Variants in TRAK1 observed in about 807,000 individuals in gnomAD.
TRAK1 encodes the protein trafficking kinesin protein 1.
TRAK1 carries 33 observed loss-of-function variants against 92.1 expected under a neutral mutation model. That is an observed-to-expected ratio of 0.36 (90% CI 0.27 to 0.48). The LOEUF (loss-of-function observed/expected upper bound fraction) is 0.48, where lower values mean the gene tolerates loss of function less well. Ranked by LOEUF, TRAK1 falls within the 20% of genes least tolerant of loss-of-function variation. The probability of loss-of-function intolerance (pLI) is 0.99; values close to 1 mark genes in which losing one functional copy is unlikely to be tolerated. For missense variants in TRAK1, 1,123 were observed against 1,257.9 expected, an observed-to-expected ratio of 0.89 and a Z score of 1.62; for synonymous variants, 521 against 517.3, an observed-to-expected ratio of 1.01 and a Z score of -0.10.
chr3:42,032,056 CCTT>C lies in TRAK1; in HGVS notation c.-519+17941_-519+17943del, dbSNP rs372375331. Among the ~76,000 whole-genome samples the C allele has an allele frequency of 8.5e-5, 13 of 152,270 alleles. No homozygotes were observed. The South Asian group carries it at 2.7e-3, about 32-fold the overall frequency. On this transcript the variant is annotated intron_variant, in intron 1 of 16. Transcript: ENST00000487159. ...TTCTGAAAAGTGAGGGGAATCAGCT[CCTT>C]CACCCGCAGGCCTGGAGAGACTGAG...
Position 42,211,710 on chromosome 3 carries a change from A to T in TRAK1, c.1963+1725A>T, listed in dbSNP as rs145204356. The T allele has an allele frequency of 1.5e-3, 1,505 of 985,460 alleles. 16 individuals are homozygous for T. In the African/African-American group the frequency reaches 0.024, roughly 16 times the overall value. 61.0% of individuals were successfully genotyped at this position (985,460 alleles called of 1,614,324 possible). The stretch of plus-strand genomic sequence containing the variant: ...AGCTTATCAAGTCAACAAAGAACTT[A>T]CCTTGGAGGATAGAGAGAGAGAAGG... On this transcript the variant is annotated intron_variant, in intron 14 of 15. Coordinates refer to ENST00000327628, the MANE Select transcript of TRAK1 (RefSeq NM_001042646.3).
chr3:42,071,498 A>G (rs1437539490), intron 1 of TRAK1, among the ~76,000 whole-genome samples: 1 of 152,058 alleles, frequency 6.6e-6, no homozygotes, highest in Admixed American at 6.6e-5. Context: ...ACCCAAGAGC[A>G]AGAGTTTGAG....
At chr3:42,183,013 C>T (rs554893482) in intron 3 of TRAK1, among the ~76,000 whole-genome samples, 1 of 152,308 alleles carries the variant, frequency 6.6e-6, no homozygotes, top group South Asian at 2.1e-4. Context: ...TAGGATAGTT[C>T]ACCTGGAGCA....
At position 42,143,194 on chromosome 3, in the gene TRAK1, T is replaced by C. The variant is rs531638833; in HGVS notation, c.286+17580T>C. Among the ~76,000 whole-genome samples the C allele has an allele frequency of 5.9e-5, 9 of 152,286 alleles. 1 individual carries two copies. The South Asian group carries it at 1.9e-3, about 32-fold the overall frequency. On this transcript the variant is annotated intron_variant, in intron 2 of 15. Transcript: ENST00000327628. Reference sequence around the variant, plus strand: ...ATGAAGTTACATAGATATTTTCAGTTTAACTCTCACTTTCCTGATCATTTA... The same window carrying C: ...ATGAAGTTACATAGATATTTTCAGTCTAACTCTCACTTTCCTGATCATTTA...
At chr3:42,050,493 T>C (rs1702936014) in intron 1 of TRAK1, among the ~76,000 whole-genome samples, 1 of 152,138 alleles carries the variant, frequency 6.6e-6, no homozygotes, top group African/African-American at 2.4e-5. Flanking sequence ...TGAACCCCCT[T>C]AGAGTTCATC....
intron 2 of TRAK1, among the ~76,000 whole-genome samples, chr3:42,171,756 A>G (rs1440648286): frequency 7.2e-5 from 11 of 152,016 alleles, no homozygotes; most frequent in Non-Finnish European, 1.3e-4. Context: ...CACTGGCCAG[A>G]TCTCCTTGGC....
intron 1 of TRAK1, among the ~76,000 whole-genome samples, chr3:42,096,056 A>C (rs1396187127): frequency 6.6e-6 from 1 of 152,162 alleles, no homozygotes; most frequent in Non-Finnish European, 1.5e-5. Flanking sequence ...GGAGAAATAA[A>C]TGTTTGTTGT....
intron 1 of TRAK1, among the ~76,000 whole-genome samples, chr3:42,074,036 G>A (rs1333656977): frequency 4.6e-5 from 7 of 152,192 alleles, no homozygotes; most frequent in East Asian, 1.9e-4. Flanking sequence ...GTGGACAGAT[G>A]TAGGAGAATG....
At chr3:42,037,231 T>C (rs572169643) in intron 1 of TRAK1, among the ~76,000 whole-genome samples, 12 of 152,240 alleles carry the variant, frequency 7.9e-5, no homozygotes, top group Middle Eastern at 3.2e-3. Context: ...AGTTTTAGGA[T>C]TCAAGTAACT....
chr3:42,185,099 G>A lies in TRAK1; in HGVS notation c.480+298G>A, dbSNP rs1302700908. ...TACATCTGTGTGCCATGTTGGGCCA[G>A]CCACAGTCCTTGTCCTCAGAGAGTC... On this transcript the variant is annotated intron_variant, in intron 4 of 15. Coordinates refer to ENST00000327628, the MANE Select transcript of TRAK1 (RefSeq NM_001042646.3). 2.0e-5 allele frequency among the ~76,000 whole-genome samples: 3 copies of A among 152,302 alleles called. No individual in the cohort carries two copies. In the East Asian group the frequency reaches 5.8e-4, roughly 29 times the overall value.
intron 1 of TRAK1, among the ~76,000 whole-genome samples, chr3:42,060,832 T>C (rs2065344474): frequency 6.6e-6 from 1 of 152,104 alleles, no homozygotes; most frequent in Admixed American, 6.5e-5. Context: ...AGTTTCGCCA[T>C]GTTGGCCAGG....
chr3:42,069,845 A>C (rs1576234108), intron 1 of TRAK1, among the ~76,000 whole-genome samples: 1 of 152,254 alleles, frequency 6.6e-6, no homozygotes, highest in Middle Eastern at 3.4e-3. Context: ...AAAATAACTG[A>C]AGAAGTGGAA....
In TRAK1 at chr3:42,223,450, G is replaced by T; in HGVS notation, c.2575G>T (p.Gly859Trp). ...RFGVAKVVNS[G>W]RAHVPTLTEE... ...TGGGGTGGCCAAAGTGGTGAACTCA[G>T]GGCGAGCCCATGTCCCCACCTTGAC... The change falls in exon 16 of 16, where the codon GGG becomes TGG. Residue 859 changes from glycine (G) to tryptophan (W), a missense_variant. Physicochemically the swap from Gly to Trp is radical, Grantham distance 184. Around this residue, in one of 3 missense-constraint regions of TRAK1, gnomAD observed 401 missense variants for 438.9 expected, o/e 0.91. Transcript: ENST00000327628. This position sits in a 1 kb window ranked among gnomAD's most constrained non-coding sequence, Gnocchi z 6.1. 6.2e-7 allele frequency: 1 copy of T among 1,614,036 alleles called. No homozygotes were observed. Among genetic ancestry groups the T allele is most frequent in the Non-Finnish European group, 8.5e-7 (1 of 1,180,020 alleles).
intron 2 of TRAK1, among the ~76,000 whole-genome samples, chr3:42,166,290 G>A (rs923753270): frequency 3.3e-5 from 5 of 152,144 alleles, no homozygotes; most frequent in African/African-American, 1.2e-4. Flanking sequence ...GGATGTAAAC[G>A]TTAAAGGAGG....
intron 15 of TRAK1, among the ~76,000 whole-genome samples, chr3:42,221,043 C>G (rs1217714195): frequency 6.7e-6 from 1 of 148,588 alleles, no homozygotes; most frequent in Non-Finnish European, 1.5e-5. Context: ...CCGAACAAAG[C>G]CTGGGAAGTC....
rs536833036 is a variant in TRAK1 at position 42,129,446 on chromosome 3, C to T, written c.286+3832C>T. Among the ~76,000 whole-genome samples, 3 of 152,150 alleles carry T rather than the reference C, an allele frequency of 2.0e-5. No individual in the cohort carries two copies. The South Asian group carries it at 6.2e-4, about 32-fold the overall frequency. ...CACATCCTCCCCCTGAGTGGAGAAACGCGGCTTTACCTTTTAAATTTGGCC... is the reference window on the plus strand; with the variant it reads ...CACATCCTCCCCCTGAGTGGAGAAATGCGGCTTTACCTTTTAAATTTGGCC... On this transcript the variant is annotated intron_variant, in intron 2 of 15. Transcript: ENST00000327628.
intron 2 of TRAK1, among the ~76,000 whole-genome samples, chr3:42,132,368 A>G (rs1183728892): frequency 6.7e-6 from 1 of 149,248 alleles, no homozygotes; most frequent in Non-Finnish European, 1.5e-5. Context: ...GACTCAAGCC[A>G]TCCTCCCACC....
chr3:42,033,796 T>C (rs1488637008), intron 1 of TRAK1, among the ~76,000 whole-genome samples: 2 of 152,076 alleles, frequency 1.3e-5, no homozygotes, highest in Non-Finnish European at 2.9e-5. Flanking sequence ...TTGGGACAGG[T>C]GATGTGTTGA....
At chr3:42,067,057 G>C (rs945181756) in intron 1 of TRAK1, among the ~76,000 whole-genome samples, 1 of 152,202 alleles carries the variant, frequency 6.6e-6, no homozygotes, top group Non-Finnish European at 1.5e-5. Flanking sequence ...AAAAGTGGCT[G>C]ATAAAATTTG....
Sources: gnomAD v4.1 joint callset for allele counts (sites outside exome capture counted in the v4.1 genomes callset) on GRCh38, gnomAD v4.1.1 for gene constraint, gnomAD v4.1.1 regional missense constraint, Gnocchi (gnomAD v3.1) non-coding constraint, MANE v1.5 for transcripts, NCBI Gene and HGNC (gene_info 2026-07-23, HGNC 2026-07-21) for gene names.